MUSK: variants seen among roughly 807,000 people sequenced by gnomAD.
The protein encoded by MUSK is muscle associated receptor tyrosine kinase, also known as muscle, skeletal receptor tyrosine-protein kinase.
Under a neutral mutation model 88.7 loss-of-function variants are expected in MUSK, and 55 were observed. The observed-to-expected ratio is 0.62, with a 90% confidence interval of 0.50 to 0.78. The LOEUF is 0.78. Among genes scored for constraint, MUSK ranks in the 30% least tolerant of loss-of-function variants. The pLI, the probability that MUSK is intolerant of heterozygous loss-of-function variation, is 0.00. For missense variants in MUSK, 1,015 were observed against 1,074.3 expected (o/e 0.94, Z 0.77); for synonymous variants, 387 against 391.9 (o/e 0.99, Z 0.15).
At chr9:110,700,045 A>G (rs2076481940) in intron 5 of MUSK, among the ~76,000 whole-genome samples, 1 of 152,176 alleles carries the variant, frequency 6.6e-6, no homozygotes. Context: ...GGACCTCTGC[A>G]ATGGAAATGT....
chr9:110,669,396 T>C (rs776095704), intron 1 of MUSK, among the ~76,000 whole-genome samples: 1 of 152,230 alleles, frequency 6.6e-6, no homozygotes, highest in Non-Finnish European at 1.5e-5. Context: ...CATTTGCTTC[T>C]GAATAAAAAT....
chr9:110,758,574 A>T (rs893594273), intron 7 of MUSK, among the ~76,000 whole-genome samples: 1 of 152,194 alleles, frequency 6.6e-6, no homozygotes, highest in African/African-American at 2.4e-5. Context: ...GGCCATAGCA[A>T]TCAGATAAGG....
At chr9:110,771,333 A>C (rs2131970692) in intron 9 of MUSK, among the ~76,000 whole-genome samples, 1 of 151,796 alleles carries the variant, frequency 6.6e-6, no homozygotes, top group East Asian at 1.9e-4. Flanking sequence ...CAGGTGATTC[A>C]CCTGCCTCGG....
At chr9:110,800,021 T>C (rs761652658) in intron 14 of MUSK, among the ~76,000 whole-genome samples, 1 of 152,182 alleles carries the variant, frequency 6.6e-6, no homozygotes, top group Non-Finnish European at 1.5e-5. Context: ...TGATGCACCA[T>C]GTACGATGTA....
chr9:110,700,395 G>GAC (rs1291810809), intron 5 of MUSK, among the ~76,000 whole-genome samples: 1 of 152,084 alleles, frequency 6.6e-6, no homozygotes, highest in South Asian at 2.1e-4. Context: ...TAAAGAATGA[G>GAC]ATAGTCCTGT....
chr9:110,679,589 CT>C (rs546220725), intron 1 of MUSK, among the ~76,000 whole-genome samples: 1 of 151,960 alleles, frequency 6.6e-6, no homozygotes, highest in Non-Finnish European at 1.5e-5. Context: ...TTTATGTCTT[CT>C]GTTAACCATG....
intron 5 of MUSK, among the ~76,000 whole-genome samples, chr9:110,722,734 A>G (rs867906797): frequency 1.3e-5 from 2 of 152,136 alleles, no homozygotes; most frequent in Middle Eastern, 3.2e-3. Flanking sequence ...GGCTAAGGAC[A>G]TGAACAGACA....
chr9:110,722,058 G>T (rs1440404364), intron 5 of MUSK, among the ~76,000 whole-genome samples: 1 of 152,124 alleles, frequency 6.6e-6, no homozygotes, highest in Non-Finnish European at 1.5e-5. Context: ...AATGAAACTG[G>T]ATCCTCACCT....
intron 5 of MUSK, among the ~76,000 whole-genome samples, chr9:110,732,524 C>T (rs747163173): frequency 2.5e-4 from 38 of 151,996 alleles, no homozygotes; most frequent in Non-Finnish European, 4.6e-4. Flanking sequence ...TAATGGATCA[C>T]TCTTTCTTTT....
chr9:110,696,840 G>T (rs1481607619), intron 4 of MUSK, among the ~76,000 whole-genome samples: 2 of 151,688 alleles, frequency 1.3e-5, no homozygotes, highest in Non-Finnish European at 2.9e-5. Context: ...GTGGTTTTTG[G>T]TTGCAAGGAT....
chr9:110,801,000 T>C lies in MUSK; in HGVS notation c.*12T>C, dbSNP rs777396522. ...CTGTGAGTGTCTAAGGTTGAAGACG[T>C]TCAAATAAAATGCTGCAGTTTCCTC... On this transcript the variant is annotated 3_prime_UTR_variant, in exon 15 of 15. Coordinates refer to ENST00000374448, the MANE Select transcript of MUSK (RefSeq NM_005592.4). The C allele has an allele frequency of 4.7e-6, 7 of 1,501,942 alleles. No homozygotes were observed. The South Asian group carries it at 5.6e-5, about 12-fold the overall frequency. 93.0% of individuals were successfully genotyped at this position (1,501,942 alleles called of 1,614,324 possible).
At chr9:110,675,755 A>G (rs569878594) in intron 1 of MUSK, among the ~76,000 whole-genome samples, 1 of 146,996 alleles carries the variant, frequency 6.8e-6, no homozygotes, top group South Asian at 2.2e-4. Context: ...TTTTTAGTAG[A>G]GATGGGATTT....
chr9:110,766,480 G>T (rs1208898468), intron 8 of MUSK, among the ~76,000 whole-genome samples: 1 of 152,078 alleles, frequency 6.6e-6, no homozygotes, highest in Non-Finnish European at 1.5e-5. Flanking sequence ...ATTAGAAAAA[G>T]GCCAGTATGA....
intron 6 of MUSK, among the ~76,000 whole-genome samples, chr9:110,743,483 A>G (rs974526290): frequency 6.6e-6 from 1 of 152,242 alleles, no homozygotes; most frequent in Non-Finnish European, 1.5e-5. Flanking sequence ...TTATACCAGT[A>G]ATATCTCTGT....
intron 5 of MUSK, among the ~76,000 whole-genome samples, chr9:110,724,414 TATAAG>T (rs2076856778): frequency 6.6e-6 from 1 of 152,030 alleles, no homozygotes; most frequent in South Asian, 2.1e-4. Context: ...CCTTCATTCA[TATAAG>T]ATATTTCAGG....
In MUSK at chr9:110,801,152, A is replaced by T; in HGVS notation, c.*164A>T. On this transcript the variant is annotated 3_prime_UTR_variant, in exon 15 of 15. Coordinates refer to ENST00000374448, the MANE Select transcript of MUSK (RefSeq NM_005592.4). The stretch of plus-strand genomic sequence containing the variant: ...GGAGAGCAAAGACAGTGCAAAACCC[A>T]TGTGGTAGACGGACCCATTGAAAGC... 1.8e-6 allele frequency: 1 copy of T among 556,118 alleles called. No individual in the cohort carries two copies. The highest frequency in any genetic ancestry group is 3.0e-5 in the East Asian group (1 of 33,620). The allele number at this position is 556,118 out of a possible 1,614,324, so 34.4% of individuals were successfully genotyped here.
chr9:110,708,118 A>ATCTT, intron 5 of MUSK, among the ~76,000 whole-genome samples: 1 of 152,178 alleles, frequency 6.6e-6, no homozygotes, highest in East Asian at 1.9e-4. Flanking sequence ...CTATCTATCT[A>ATCTT]TCTATCTATC....
At chr9:110,797,944 C>A (rs2132058161) in intron 14 of MUSK, among the ~76,000 whole-genome samples, 1 of 152,298 alleles carries the variant, frequency 6.6e-6, no homozygotes, top group African/African-American at 2.4e-5. Flanking sequence ...GTACAGTTTT[C>A]CAATTTAACC....
intron 7 of MUSK, among the ~76,000 whole-genome samples, chr9:110,752,321 C>T (rs566246292): frequency 3.7e-4 from 57 of 152,254 alleles, no homozygotes; most frequent in African/African-American, 1.3e-3. Context: ...GAGGCTACTT[C>T]GATGAAAAAG....
Sources: gnomAD v4.1 joint callset for allele counts (sites outside exome capture counted in the v4.1 genomes callset) on GRCh38, gnomAD v4.1.1 for gene constraint, MANE v1.5 for transcripts, NCBI Gene and HGNC (gene_info 2026-07-23, HGNC 2026-07-21) for gene names.